Variants in IGFBP6 observed in about 807,000 individuals in gnomAD.
IGFBP6 encodes insulin like growth factor binding protein 6, also known as insulin-like growth factor-binding protein 6.
A neutral mutation model predicts 24.5 loss-of-function variants in IGFBP6; 24 were observed. The ratio of observed to expected loss-of-function variants is 0.98; its 90% CI spans 0.71 to 1.38. The LOEUF (loss-of-function observed/expected upper bound fraction) is 1.38. IGFBP6 is among the 40% of genes most tolerant of loss of function. IGFBP6 has a pLI of 0.00. For synonymous variants in IGFBP6, 147 were observed against 137.4 expected (o/e 1.07, Z -0.49); for missense variants, 331 against 324.8 (o/e 1.02, Z -0.15).
intron 1 of IGFBP6, among the ~76,000 whole-genome samples, chr12:53,098,432 C>G (rs1937777966): frequency 6.6e-6 from 1 of 152,130 alleles, no homozygotes; most frequent in African/African-American, 2.4e-5. Flanking sequence ...GGGAAAGGAC[C>G]CAAATGTTGT....
At chr12:53,099,787 T>A (rs1012170418) in intron 1 of IGFBP6, among the ~76,000 whole-genome samples, 9 of 151,736 alleles carry the variant, frequency 5.9e-5, no homozygotes, top group Admixed American at 1.3e-4. Context: ...GTTAATTTTT[T>A]AAAATTAAGT....
chr12:53,101,251 C>T lies in IGFBP6; in HGVS notation c.600+91C>T, dbSNP rs556572956. 2.0e-4 allele frequency: 254 copies of T among 1,296,954 alleles called. 1 individual carries two copies. In the African/African-American group the frequency reaches 3.5e-3, roughly 18 times the overall value. 80.3% of individuals were successfully genotyped at this position (1,296,954 alleles called of 1,614,324 possible). On this transcript the variant is annotated intron_variant, in intron 3 of 3. Coordinates refer to ENST00000301464, the MANE Select transcript of IGFBP6 (RefSeq NM_002178.3). The stretch of plus-strand genomic sequence containing the variant: ...TGCTTACAAAGCTGCATAAATAAGA[C>T]ACTGCCCCATCTTTAAGGATCTTCC...
At chr12:53,101,992 C>G in intron 3 of IGFBP6, 53 bp from the exon 4 acceptor site, 1 of 1,527,386 alleles carries the variant, frequency 6.5e-7, no homozygotes, top group Non-Finnish European at 8.8e-7. Context: ...CCCTCTCATT[C>G]TCCTGCTGGA....
rs1290464086 is a variant in IGFBP6, at chr12:53,097,984, C to T, written c.267C>T (p.Asp89=). 3 of 1,515,916 alleles carry T rather than the reference C, an allele frequency of 2.0e-6. No individual in the cohort carries two copies. The highest frequency in any genetic ancestry group is 2.5e-5 in the South Asian group (2 of 81,250). 93.9% of individuals were successfully genotyped at this position (1,515,916 alleles called of 1,614,324 possible). A position where few individuals can be genotyped will look rare whatever the true frequency, so the allele number is the denominator to read the frequency against. ...GACTGCAGTGCCATCCGCCCAAGGA[C>T]GACGAGGCGCCTTTGCGGGCGCTGC... ...APGLQCHPPK[D]DEAPLRALLL... The change falls in exon 1 of 4, where the codon GAC becomes GAT. Residue 89 remains aspartate, a synonymous_variant. Coordinates refer to ENST00000301464, the MANE Select transcript of IGFBP6 (RefSeq NM_002178.3).
Position 53,101,060 on chromosome 12 carries a change from T to A in IGFBP6, c.500T>A (p.Leu167Gln). The A allele has an allele frequency of 6.2e-7, 1 of 1,614,182 alleles. No homozygotes were observed. The highest frequency in any genetic ancestry group is 8.5e-7 in the Non-Finnish European group (1 of 1,180,006). ...CCCCAGGGCCCATGCCGTAGACATC[T>A]GGACTCAGTGCTGCAGCAACTCCAG... ...DTEMGPCRRH[L>Q]DSVLQQLQTE... The change falls in exon 3 of 4, where the codon CTG (leucine) becomes CAG (glutamine). Residue 167 changes from leucine to glutamine, a missense_variant. Transcript: ENST00000301464.
chr12:53,101,416 G>T (rs528296391), intron 3 of IGFBP6, among the ~76,000 whole-genome samples: 1 of 152,312 alleles, frequency 6.6e-6, no homozygotes, highest in South Asian at 2.1e-4. Context: ...CCTCCGGAGG[G>T]CTTATGCCAC....
chr12:53,098,155 G>T, intron 1 of IGFBP6, 104 bp downstream of exon 1: 2 of 1,274,630 alleles, frequency 1.6e-6, no homozygotes, highest in Non-Finnish European at 2.0e-6. Context: ...TTTCCGCCCT[G>T]GCCCTTGACG....
intron 1 of IGFBP6, chr12:53,099,203 A>C: frequency 2.4e-6 from 1 of 409,978 alleles, no homozygotes; most frequent in Non-Finnish European, 5.1e-6. Flanking sequence ...AATTCCAAGC[A>C]GTCAGTACAT....
intron 1 of IGFBP6, among the ~76,000 whole-genome samples, 194 bp from the exon 2 acceptor site, chr12:53,100,518 T>C (rs138693889): frequency 1.3e-5 from 2 of 152,340 alleles, no homozygotes; most frequent in East Asian, 3.9e-4. Context: ...TAAAAATCAG[T>C]ATGGGAAATA....
In IGFBP6 at chr12:53,100,807, T is replaced by C. The variant is rs201621853; in HGVS notation, c.430T>C (p.Ser144Pro). The C allele has an allele frequency of 3.1e-6, 5 of 1,614,186 alleles. No homozygotes were observed. The East Asian group carries it at 8.9e-5, about 29-fold the overall frequency. Residue 144 changes from serine to proline, a missense_variant, in exon 2 of 4, where the codon TCT (serine) becomes CCT (proline). Physicochemically the swap from Ser to Pro is moderately conservative, Grantham distance 74. Transcript: ENST00000301464. ...RRDQQRNPGT[S>P]TTPSQPNSAG... ...AGACCAACAGAGGAATCCAGGCACCTCTACCACGCCCTCCCAGCCCAATTC... is the reference window on the plus strand; with the variant it reads ...AGACCAACAGAGGAATCCAGGCACCCCTACCACGCCCTCCCAGCCCAATTC...
intron 1 of IGFBP6, among the ~76,000 whole-genome samples, chr12:53,100,139 C>G (rs2947334): frequency 4.9e-4 from 75 of 152,292 alleles, no homozygotes; most frequent in South Asian, 3.5e-3. Flanking sequence ...GGATGACAGG[C>G]ATGAGCCACT....
intron 1 of IGFBP6, chr12:53,099,416 G>A (rs968424008): frequency 4.6e-6 from 2 of 435,612 alleles, no homozygotes; most frequent in Non-Finnish European, 9.4e-6. Flanking sequence ...GACCACTGGG[G>A]TTGAGCTGGC....
rs1424717166 is a variant in IGFBP6 at position 53,097,927 on chromosome 12, G to A, written c.210G>A (p.Glu70=). The part of the protein sequence containing the change: ...AEGCLRREGQ[E]CGVYTPNCAP... ...GCTGTCTCAGGAGGGAGGGGCAGGAGTGCGGGGTCTACACCCCTAACTGCG... is the reference window on the plus strand; with the variant it reads ...GCTGTCTCAGGAGGGAGGGGCAGGAATGCGGGGTCTACACCCCTAACTGCG... The change falls in exon 1 of 4, where the codon GAG becomes GAA. Residue 70 remains glutamate (E), a synonymous_variant. Coordinates refer to ENST00000301464, the MANE Select transcript of IGFBP6 (RefSeq NM_002178.3). The A allele has an allele frequency of 5.9e-6, 9 of 1,513,960 alleles. 1 individual carries two copies. In the South Asian group the frequency reaches 1.0e-4, roughly 17 times the overall value. The allele number at this position is 1,513,960 out of a possible 1,614,324, so 93.8% of individuals were successfully genotyped here.
Position 53,101,163 on chromosome 12 carries a change from G to A in IGFBP6, c.600+3G>A. The A allele has an allele frequency of 1.2e-6, 2 of 1,613,362 alleles. No individual in the cohort carries two copies. Among genetic ancestry groups the A allele is most frequent in the Non-Finnish European group, 1.7e-6 (2 of 1,179,316 alleles). ...GAGGCTTCTACCGGAAGCGGCAGGT[G>A]AGACTATTTTTCTTCTCCTCCTGCT... On this transcript the variant is annotated splice_donor_region_variant and intron_variant, in intron 3 of 3. Transcript: ENST00000301464.
At position 53,098,044 on chromosome 12, in the gene IGFBP6, G is replaced by C. The variant is rs764162058; in HGVS notation, c.327G>C (p.Ala109=). The C allele has an allele frequency of 5.5e-6, 8 of 1,451,912 alleles. No homozygotes were observed. In the Admixed American group the frequency reaches 2.1e-4, roughly 38 times the overall value. 89.9% of individuals were successfully genotyped at this position (1,451,912 alleles called of 1,614,324 possible). The stretch of plus-strand genomic sequence containing the variant: ...GAGGCCGCTGCCTTCCGGCCCGCGC[G>C]CCTGCTGGTGAGTCCGCGCCCCGCC... ...LGRGRCLPAR[A]PAVAEENPKE... is the part of the protein sequence containing the mutation. Residue 109 remains alanine (A), a synonymous_variant, in exon 1 of 4, where the codon GCG becomes GCC. Coordinates refer to ENST00000301464, the MANE Select transcript of IGFBP6 (RefSeq NM_002178.3).
Position 53,102,105 on chromosome 12 carries a change from T to A in IGFBP6, c.661T>A (p.Ser221Thr). ...PCWCVDRMGK[S>T]LPGSPDGNGS... ...CTGGTGTGTGGATCGGATGGGCAAGTCCCTGCCAGGGTCTCCAGATGGCAA... is the reference window on the plus strand; with the variant it reads ...CTGGTGTGTGGATCGGATGGGCAAGACCCTGCCAGGGTCTCCAGATGGCAA... The change falls in exon 4 of 4, where the codon TCC (serine) becomes ACC (threonine). Residue 221 changes from serine (S) to threonine (T), a missense_variant. Ser to Thr is a moderately conservative substitution (Grantham distance 58). Transcript: ENST00000301464. 6.2e-7 allele frequency: 1 copy of A among 1,612,982 alleles called. No homozygotes were observed. Among genetic ancestry groups the A allele is most frequent in the Non-Finnish European group, 8.5e-7 (1 of 1,179,628 alleles).
intron 1 of IGFBP6, 144 bp downstream of exon 1, chr12:53,098,195 G>T (rs1365049535): frequency 9.9e-7 from 1 of 1,005,956 alleles, no homozygotes; most frequent in Non-Finnish European, 1.3e-6. Flanking sequence ...CATTTGTGTG[G>T]GGGAGAAGGG....
In IGFBP6 at chr12:53,098,040, G is replaced by A. The variant is rs1937771139; in HGVS notation, c.323G>A (p.Arg108His). 7 of 1,462,560 alleles carry A rather than the reference G, an allele frequency of 4.8e-6. No homozygotes were observed. The highest frequency in any genetic ancestry group is 6.3e-6 in the Non-Finnish European group (7 of 1,117,880). 90.6% of individuals were successfully genotyped at this position (1,462,560 alleles called of 1,614,324 possible). A position where few individuals can be genotyped will look rare whatever the true frequency, so the allele number is the denominator to read the frequency against. Reference protein sequence around the residue: ...LLGRGRCLPARAPAVAEENPK... With the variant: ...LLGRGRCLPAHAPAVAEENPK... ...GGCCGAGGCCGCTGCCTTCCGGCCC[G>A]CGCGCCTGCTGGTGAGTCCGCGCCC... The change falls in exon 1 of 4, where the codon CGC becomes CAC. Residue 108 changes from arginine to histidine, a missense_variant. Coordinates refer to ENST00000301464, the MANE Select transcript of IGFBP6 (RefSeq NM_002178.3).
intron 3 of IGFBP6, among the ~76,000 whole-genome samples, 165 bp downstream of exon 3, chr12:53,101,325 A>G (rs540009620): frequency 5.9e-5 from 9 of 152,334 alleles, no homozygotes; most frequent in Non-Finnish European, 1.3e-4. Flanking sequence ...AACTTAGAGA[A>G]TAATCAACCA....
Sources: allele counts gnomAD v4.1 joint callset (sites outside exome capture counted in the v4.1 genomes callset), GRCh38; gene constraint gnomAD v4.1.1; transcripts MANE v1.5; gene names NCBI Gene and HGNC (gene_info 2026-07-23, HGNC 2026-07-21).